TENM1: variants seen among roughly 807,000 people sequenced by gnomAD.
TENM1 encodes the protein teneurin transmembrane protein 1.
In TENM1, 35 loss-of-function variants were observed where a neutral mutation model predicts 174.8. The observed-to-expected ratio is 0.20, with a 90% CI of 0.15 to 0.27. TENM1 has a LOEUF of 0.27. Among genes scored for constraint, TENM1 ranks in the 10% least tolerant of loss-of-function variants. TENM1 has a pLI of 1.00. For missense variants in TENM1, 1,633 were observed against 2,130.1 expected, an observed-to-expected ratio of 0.77 and a Z score of 4.59; for synonymous variants, 781 against 798.7, an observed-to-expected ratio of 0.98 and a Z score of 0.37.
At chrX:125,059,868 G>A in the TENM1 span, among the ~76,000 whole-genome samples, 2 of 110,565 alleles carry the variant, frequency 1.8e-5, no homozygotes, top group Non-Finnish European at 3.8e-5. Context: ...TCCCAATACA[G>A]AAAGAAACAT....
chrX:124,952,366 GTGTA>G (rs1180958285), intron 1 of TENM1, among the ~76,000 whole-genome samples: 209 of 107,620 alleles, frequency 1.9e-3, no homozygotes, highest in African/African-American at 7.1e-3. Context: ...GTGTGTGTGT[GTGTA>G]TGTGCATCTG....
chrX:124,896,305 A>G (rs2057561740), intron 1 of TENM1, 64 bp from the exon 5 acceptor site: 2 of 1,122,452 alleles, frequency 1.8e-6, no homozygotes, highest in African/African-American at 1.8e-5. Flanking sequence ...AGAAAATTCT[A>G]CTTTTTGTTC....
intron 18 of TENM1, among the ~76,000 whole-genome samples, chrX:124,518,118 A>T (rs1204931715): frequency 9.0e-6 from 1 of 110,701 alleles, no homozygotes; most frequent in Non-Finnish European, 1.9e-5. Context: ...TTGTAGGGGG[A>T]AGAGGATGGA....
At position 124,615,205 on chromosome X, in the gene TENM1, A is replaced by G. The variant is rs767352051; in HGVS notation, c.2077+26586T>C. Among the ~76,000 whole-genome samples, 5 of 112,463 alleles carry G rather than the reference A, an allele frequency of 4.4e-5. No homozygotes were observed. In the Admixed American group the frequency reaches 4.7e-4, roughly 11 times the overall value. On this transcript the variant is annotated intron_variant, in intron 11 of 31. Coordinates refer to ENST00000422452, the Ensembl canonical transcript of TENM1. Reference sequence around the variant, plus strand: ...CTAAGTAAATGTTGGTTGAAGTAGCATTTCATGTCTACATCACAGGTGTTC... The same window carrying G: ...CTAAGTAAATGTTGGTTGAAGTAGCGTTTCATGTCTACATCACAGGTGTTC...
chrX:125,154,661 C>T, the TENM1 span, among the ~76,000 whole-genome samples: 1 of 111,069 alleles, frequency 9.0e-6, no homozygotes, highest in East Asian at 2.8e-4. Flanking sequence ...CGGACCCTCG[C>T]GGTGAGTGTT....
the TENM1 span, among the ~76,000 whole-genome samples, chrX:125,160,210 A>AC: frequency 9.5e-6 from 1 of 105,081 alleles, no homozygotes; most frequent in Non-Finnish European, 1.9e-5. Flanking sequence ...TCAATGAAAA[A>AC]AAAAAAAAAG....
chrX:124,764,509 T>C (rs746200525), intron 3 of TENM1, among the ~76,000 whole-genome samples: 1 of 111,025 alleles, frequency 9.0e-6, no homozygotes, highest in South Asian at 3.9e-4. Context: ...CTCAACTAAA[T>C]GGCAAATTCT....
chrX:124,975,755 C>G, the TENM1 span, among the ~76,000 whole-genome samples: 1 of 111,729 alleles, frequency 9.0e-6, no homozygotes, highest in African/African-American at 3.2e-5. Flanking sequence ...GTGACTTAAT[C>G]GCAGAGGTGG....
chrX:124,813,328 C>T (rs1330858690), intron 3 of TENM1, among the ~76,000 whole-genome samples: 1 of 111,674 alleles, frequency 9.0e-6, no homozygotes, highest in African/African-American at 3.2e-5. Flanking sequence ...GAAACAAGTA[C>T]TCTCACAAAC....
intron 3 of TENM1, among the ~76,000 whole-genome samples, chrX:124,771,018 CTTTGA>C (rs2054642173): frequency 8.9e-6 from 1 of 111,803 alleles, no homozygotes; most frequent in Non-Finnish European, 1.9e-5. Flanking sequence ...ATTACTTTTT[CTTTGA>C]TTTAAAATTC....
At chrX:125,017,520 G>A in the TENM1 span, among the ~76,000 whole-genome samples, 1 of 111,517 alleles carries the variant, frequency 9.0e-6, no homozygotes, top group Non-Finnish European at 1.9e-5. Flanking sequence ...TCCCATTACG[G>A]GGTATATACC....
In TENM1 at chrX:124,393,403, G is replaced by GT. The variant is rs201061981; in HGVS notation, c.5392-1056dup. ...CACTTAGAAAATGCAATCCTCAACT[G>GT]TTTTTTTTTGTGTGTGTGTGTTTCA... is the stretch of plus-strand genomic sequence containing the variant. On this transcript the variant is annotated intron_variant, in intron 27 of 31. Transcript: ENST00000422452. Among the ~76,000 whole-genome samples, 119 of 106,445 alleles carry GT rather than the reference G, an allele frequency of 1.1e-3. 1 individual carries two copies. The highest frequency in any genetic ancestry group is 8.2e-3 in the Admixed American group (82 of 9,968). 92.4% of individuals were successfully genotyped at this position (106,445 alleles called of 115,157 possible). A position where few individuals can be genotyped will look rare whatever the true frequency, so the allele number is the denominator to read the frequency against.
chrX:124,623,927 A>G (rs752742264), intron 11 of TENM1, among the ~76,000 whole-genome samples: 201 of 111,892 alleles, frequency 1.8e-3, no homozygotes, highest in African/African-American at 6.0e-3. Flanking sequence ...AATGAGCCTG[A>G]TGCTCATTCA....
intron 23 of TENM1, among the ~76,000 whole-genome samples, chrX:124,452,155 A>T (rs1385164004): frequency 2.7e-5 from 3 of 112,494 alleles, no homozygotes; most frequent in Non-Finnish European, 5.6e-5. Context: ...GAATCTACAA[A>T]GAACTCAAAC....
At chrX:124,433,224 T>C (rs2060799408) in intron 23 of TENM1, among the ~76,000 whole-genome samples, 1 of 112,195 alleles carries the variant, frequency 8.9e-6, no homozygotes, top group African/African-American at 3.2e-5. Context: ...CACTACAACA[T>C]TACATTCAAA....
intron 3 of TENM1, among the ~76,000 whole-genome samples, chrX:124,761,266 C>T (rs1037494118): frequency 1.8e-5 from 2 of 110,374 alleles, no homozygotes; most frequent in Non-Finnish European, 3.8e-5. Flanking sequence ...CGGCACTATT[C>T]ACAATAGCAA....
chrX:124,777,146 T>G (rs984770083), intron 3 of TENM1, among the ~76,000 whole-genome samples: 6 of 111,547 alleles, frequency 5.4e-5, no homozygotes, highest in African/African-American at 2.0e-4. Context: ...AAGTTGGAAT[T>G]ATTTAAAAAT....
chrX:124,543,196 C>T (rs2048358370), intron 15 of TENM1, among the ~76,000 whole-genome samples: 1 of 112,535 alleles, frequency 8.9e-6, no homozygotes. Flanking sequence ...CCCATGCATC[C>T]TAGGTTGCCC....
the TENM1 span, among the ~76,000 whole-genome samples, chrX:125,195,233 C>T: frequency 1.8e-5 from 2 of 111,847 alleles, no homozygotes; most frequent in African/African-American, 6.5e-5. Flanking sequence ...CTTCAAGACC[C>T]ATTGTCACAG....
Sources: allele counts gnomAD v4.1 joint callset (sites outside exome capture counted in the v4.1 genomes callset), GRCh38; gene constraint gnomAD v4.1.1; transcripts MANE v1.5; gene names NCBI Gene and HGNC (gene_info 2026-07-23, HGNC 2026-07-21).